Variants in NUMB observed in about 807,000 individuals in gnomAD.
NUMB encodes protein numb homolog.
NUMB carries 29 observed loss-of-function variants against 59.7 expected under a neutral mutation model. That is an observed-to-expected ratio of 0.49 (90% CI 0.36 to 0.66). NUMB has a LOEUF of 0.66. Among genes scored for constraint, NUMB ranks in the 30% least tolerant of loss-of-function variants. The pLI is 0.00. For synonymous variants in NUMB, 288 were observed against 288.2 expected (o/e 1.00, Z 0.01); for missense variants, 723 against 822.0 (o/e 0.88, Z 1.47).
Position 73,343,003 on chromosome 14 carries a change from T to G in NUMB, c.126+12623A>C, listed in dbSNP as rs1021409478. Among the ~76,000 whole-genome samples the G allele has an allele frequency of 1.5e-4, 12 of 77,866 alleles. No individual in the cohort carries two copies. In the South Asian group the frequency reaches 1.9e-3, roughly 12 times the overall value. The allele number at this position is 77,866 out of a possible 152,430, so 51.1% of individuals were successfully genotyped here. A position where few individuals can be genotyped will look rare whatever the true frequency, so the allele number is the denominator to read the frequency against. ...CACCATGTCTGGCTAATTTTTTCTG[T>G]TTTTTTTTTTGTAAAGATGGAGTCT... On this transcript the variant is annotated intron_variant, in intron 4 of 12. Coordinates refer to ENST00000555238, the MANE Select transcript of NUMB (RefSeq NM_001005743.2).
intron 2 of NUMB, among the ~76,000 whole-genome samples, chr14:73,407,203 G>A (rs1011022601): frequency 7.2e-5 from 11 of 151,952 alleles, no homozygotes; most frequent in Non-Finnish European, 1.5e-4. Context: ...TGTCATCCCA[G>A]CCCTTTGGGA....
At chr14:73,380,729 T>TG (rs1022635078) in intron 2 of NUMB, among the ~76,000 whole-genome samples, 1 of 150,458 alleles carries the variant, frequency 6.6e-6, no homozygotes, top group Non-Finnish European at 1.5e-5. Context: ...AATTAGTTTT[T>TG]TTTTTTTTTT....
intron 6 of NUMB, chr14:73,299,387 T>C (rs1290331270): frequency 6.6e-6 from 1 of 152,098 alleles, no homozygotes; most frequent in Non-Finnish European, 1.5e-5. Flanking sequence ...TCCAATCAGT[T>C]GAAGGCCTCA....
chr14:73,389,258 G>T, intron 2 of NUMB, among the ~76,000 whole-genome samples: 1 of 118,710 alleles, frequency 8.4e-6, no homozygotes, highest in East Asian at 2.3e-4. Context: ...GTTACAGAGC[G>T]AGACTCCATC....
intron 1 of NUMB, among the ~76,000 whole-genome samples, chr14:73,429,978 C>T (rs1384455117): frequency 2.0e-5 from 3 of 151,516 alleles, no homozygotes; most frequent in Admixed American, 6.6e-5. Flanking sequence ...TGGCAAAAAC[C>T]GCAATTACTT....
At chr14:73,343,284 T>C (rs530289754) in intron 4 of NUMB, among the ~76,000 whole-genome samples, 1 of 152,078 alleles carries the variant, frequency 6.6e-6, no homozygotes, top group African/African-American at 2.4e-5. Flanking sequence ...GAGAGACAGA[T>C]TGGAAGCAAG....
intron 12 of NUMB, among the ~76,000 whole-genome samples, 156 bp from the exon 13 acceptor site, chr14:73,277,449 C>T (rs1219494263): frequency 6.6e-6 from 1 of 152,152 alleles, no homozygotes; most frequent in Non-Finnish European, 1.5e-5. Flanking sequence ...TCTCTATTAC[C>T]AACTGGGATT....
At chr14:73,337,191 TCA>T (rs1490767608) in intron 4 of NUMB, among the ~76,000 whole-genome samples, 1 of 151,942 alleles carries the variant, frequency 6.6e-6, no homozygotes, top group African/African-American at 2.4e-5. Flanking sequence ...TTGCTAAAGT[TCA>T]GTTTTCATTC....
chr14:73,362,388 G>GAGA (rs76746369), intron 3 of NUMB, among the ~76,000 whole-genome samples: 85,165 of 151,484 alleles, frequency 0.56, 24,602 homozygotes, highest in East Asian at 0.73. Context: ...AGAGGGAAAA[G>GAGA]AGGAGGAAAA....
intron 6 of NUMB, among the ~76,000 whole-genome samples, chr14:73,305,005 G>A (rs1391085402): frequency 6.6e-6 from 1 of 152,156 alleles, no homozygotes; most frequent in Non-Finnish European, 1.5e-5. Flanking sequence ...GACCTCAGGT[G>A]ATCCGCCCAC....
chr14:73,350,379 C>T (rs183974101), intron 4 of NUMB, among the ~76,000 whole-genome samples: 1 of 151,686 alleles, frequency 6.6e-6, no homozygotes, highest in East Asian at 1.9e-4. Context: ...CACCATGTTG[C>T]CCAGGCTGGT....
intron 4 of NUMB, among the ~76,000 whole-genome samples, chr14:73,351,196 G>A (rs1439992085): frequency 5.9e-5 from 9 of 152,256 alleles, no homozygotes; most frequent in East Asian, 3.9e-4. Flanking sequence ...TAAGATGGCC[G>A]GGCACGGTGG....
chr14:73,297,543 G>T, intron 6 of NUMB: 1 of 292,566 alleles, frequency 3.4e-6, no homozygotes, highest in Non-Finnish European at 6.3e-6. Context: ...AGTAACAGAT[G>T]GAATAAAAAC....
At chr14:73,300,926 A>C (rs1236304041) in intron 6 of NUMB, among the ~76,000 whole-genome samples, 1 of 152,154 alleles carries the variant, frequency 6.6e-6, no homozygotes, top group Non-Finnish European at 1.5e-5. Context: ...AAAACTGATA[A>C]ATGGGTGTTA....
At chr14:73,368,461 C>A (rs971735684) in intron 2 of NUMB, among the ~76,000 whole-genome samples, 34 of 151,768 alleles carry the variant, frequency 2.2e-4, no homozygotes, top group Admixed American at 2.0e-3. Flanking sequence ...TGACTGTAAT[C>A]AATCCCAGCT....
At chr14:73,366,397 A>T (rs954355618) in intron 3 of NUMB, among the ~76,000 whole-genome samples, 2 of 152,192 alleles carry the variant, frequency 1.3e-5, no homozygotes, top group African/African-American at 4.8e-5. Context: ...CCTAATACAG[A>T]ATTAGATATT....
chr14:73,385,308 C>CTTTT (rs1174960370), intron 2 of NUMB, among the ~76,000 whole-genome samples: 4,415 of 112,086 alleles, frequency 0.039, 362 homozygotes, highest in African/African-American at 0.14. Context: ...CCAGTTAATT[C>CTTTT]TTTTTTTTTT....
chr14:73,428,471 C>A (rs1007112767), intron 1 of NUMB, among the ~76,000 whole-genome samples: 1 of 152,176 alleles, frequency 6.6e-6, no homozygotes, highest in South Asian at 2.1e-4. Context: ...CCACCACCTT[C>A]TCTCCTCCCA....
intron 1 of NUMB, among the ~76,000 whole-genome samples, chr14:73,441,350 C>T (rs769385817): frequency 6.6e-6 from 1 of 151,870 alleles, no homozygotes; most frequent in African/African-American, 2.4e-5. Flanking sequence ...GAATTCGAGT[C>T]CAACCTGGCC....
Sources: gnomAD v4.1 joint callset for allele counts (sites outside exome capture counted in the v4.1 genomes callset) on GRCh38, gnomAD v4.1.1 for gene constraint, MANE v1.5 for transcripts, NCBI Gene and HGNC (gene_info 2026-07-23, HGNC 2026-07-21) for gene names.